The following CCSER1 variants were observed in gnomAD, a reference collection of about 807,000 sequenced individuals.
CCSER1 encodes coiled-coil serine rich protein 1.
In CCSER1, 41 loss-of-function variants were observed where a neutral mutation model predicts 82.0. The observed-to-expected ratio is 0.50, with a 90% confidence interval of 0.39 to 0.65. The LOEUF (loss-of-function observed/expected upper bound fraction) is 0.65. CCSER1 is among the 30% of genes least tolerant of loss of function. The pLI is 0.00. For missense variants in CCSER1, 1,119 were observed against 1,064.2 expected, an observed-to-expected ratio of 1.05 and a Z score of -0.72; for synonymous variants, 414 against 383.9, an observed-to-expected ratio of 1.08 and a Z score of -0.92.
chr4:90,964,470 T>C (rs1038485928), intron 9 of CCSER1, among the ~76,000 whole-genome samples: 1 of 151,164 alleles, frequency 6.6e-6, no homozygotes, highest in African/African-American at 2.5e-5. Flanking sequence ...CTCACACTTG[T>C]AATCCCACAC....
intron 5 of CCSER1, among the ~76,000 whole-genome samples, chr4:90,522,919 A>T (rs576943928): frequency 6.6e-6 from 1 of 152,236 alleles, no homozygotes; most frequent in East Asian, 1.9e-4. Context: ...AGTCTCTTAG[A>T]GTGGTTTTTC....
intron 9 of CCSER1, among the ~76,000 whole-genome samples, chr4:91,019,305 A>C (rs1287213586): frequency 2.6e-5 from 4 of 151,970 alleles, no homozygotes; most frequent in African/African-American, 9.7e-5. Flanking sequence ...GGCTACTTTC[A>C]AATTTCAAAT....
intron 1 of CCSER1, among the ~76,000 whole-genome samples, chr4:90,263,585 TTC>T (rs1326471894): frequency 6.6e-6 from 1 of 152,168 alleles, no homozygotes; most frequent in Non-Finnish European, 1.5e-5. Flanking sequence ...CATTTTCTTT[TTC>T]CTGGGCACAG....
At chr4:90,943,061 A>G (rs747706133) in intron 9 of CCSER1, among the ~76,000 whole-genome samples, 99 of 151,762 alleles carry the variant, frequency 6.5e-4, no homozygotes, top group Non-Finnish European at 1.1e-3. Flanking sequence ...TAAATTTTGA[A>G]TATAATGGTC....
chr4:91,082,005 T>A (rs1046961850), intron 9 of CCSER1, among the ~76,000 whole-genome samples: 2 of 152,156 alleles, frequency 1.3e-5, no homozygotes, highest in Admixed American at 1.3e-4. Context: ...AATTTATAGA[T>A]TCAATGCCAT....
intron 10 of CCSER1, among the ~76,000 whole-genome samples, chr4:91,303,884 G>C (rs866542826): frequency 5.1e-4 from 77 of 152,056 alleles, no homozygotes; most frequent in Middle Eastern, 6.8e-3. Flanking sequence ...AATATAAACA[G>C]TTAATAAGGG....
intron 4 of CCSER1, among the ~76,000 whole-genome samples, chr4:90,436,816 T>C (rs1156232173): frequency 6.6e-6 from 1 of 151,942 alleles, no homozygotes; most frequent in Admixed American, 6.6e-5. Flanking sequence ...GTTCCTTTTT[T>C]TTTTTTTTGA....
chr4:90,438,429 G>C lies in CCSER1; in HGVS notation c.1604-29805G>C, dbSNP rs191125692. On this transcript the variant is annotated intron_variant, in intron 4 of 10. Coordinates refer to ENST00000509176, the MANE Select transcript of CCSER1 (RefSeq NM_001145065.2). ...TTGTGTTCTTATGCTGCCAAATATT[G>C]GTGAATTTCTGTATACTATAAGAGA... 9.1e-4 allele frequency among the ~76,000 whole-genome samples: 139 copies of C among 151,938 alleles called. 4 individuals carry two copies. The East Asian group carries it at 0.026, about 28-fold the overall frequency.
intron 7 of CCSER1, among the ~76,000 whole-genome samples, chr4:90,774,794 CTAAT>C (rs1384198095): frequency 6.6e-6 from 1 of 151,998 alleles, no homozygotes; most frequent in Non-Finnish European, 1.5e-5. Context: ...AGTAATAAAA[CTAAT>C]TAAAGTAGGC....
Position 91,216,318 on chromosome 4 carries a change from T to C in CCSER1, c.2217+130324T>C, listed in dbSNP as rs114038979. On this transcript the variant is annotated intron_variant, in intron 10 of 10. Coordinates refer to ENST00000509176, the MANE Select transcript of CCSER1 (RefSeq NM_001145065.2). Reference sequence around the variant, plus strand: ...ATTAAGTAGGGAAACACTGACTTTATAGCATTTTTTTGTTTGTTTGAGACA... The same window carrying C: ...ATTAAGTAGGGAAACACTGACTTTACAGCATTTTTTTGTTTGTTTGAGACA... Among the ~76,000 whole-genome samples, 1,143 of 152,294 alleles carry C rather than the reference T, an allele frequency of 7.5e-3. 15 individuals are homozygous for C. The highest frequency in any genetic ancestry group is 0.027 in the African/African-American group (1,105 of 41,566).
At chr4:90,573,088 G>A (rs1191614539) in intron 5 of CCSER1, among the ~76,000 whole-genome samples, 1 of 152,232 alleles carries the variant, frequency 6.6e-6, no homozygotes, top group African/African-American at 2.4e-5. Flanking sequence ...GACTCCTGGG[G>A]TGGACTGCAA....
chr4:90,162,390 G>A (rs1044879586), intron 1 of CCSER1, among the ~76,000 whole-genome samples: 3 of 151,926 alleles, frequency 2.0e-5, no homozygotes, highest in Admixed American at 1.3e-4. Context: ...CCTTCCTCCT[G>A]TATCATTTCT....
chr4:90,824,910 C>T (rs182860122), intron 8 of CCSER1, among the ~76,000 whole-genome samples: 6 of 152,158 alleles, frequency 3.9e-5, no homozygotes, highest in African/African-American at 1.4e-4. Flanking sequence ...TGCATATATT[C>T]CAGAAAAGGC....
chr4:90,449,760 A>G (rs1761177186), intron 4 of CCSER1, among the ~76,000 whole-genome samples: 1 of 152,234 alleles, frequency 6.6e-6, no homozygotes, highest in Non-Finnish European at 1.5e-5. Context: ...GAGGCCAGAC[A>G]GTGGGAAGGT....
At chr4:91,092,295 A>G (rs1476383742) in intron 10 of CCSER1, among the ~76,000 whole-genome samples, 1 of 152,156 alleles carries the variant, frequency 6.6e-6, no homozygotes, top group African/African-American at 2.4e-5. Flanking sequence ...AGGCAGTCCA[A>G]ACCTAGGGAT....
At chr4:90,128,974 A>G (rs1722357016) in intron 1 of CCSER1, among the ~76,000 whole-genome samples, 1 of 152,080 alleles carries the variant, frequency 6.6e-6, no homozygotes. Flanking sequence ...GAAGTTACAG[A>G]TTCTTTGCCC....
At chr4:90,812,779 A>C (rs545980846) in intron 7 of CCSER1, among the ~76,000 whole-genome samples, 1 of 152,282 alleles carries the variant, frequency 6.6e-6, no homozygotes, top group Admixed American at 6.5e-5. Flanking sequence ...TTCACAAAGC[A>C]GCAGGAGAGA....
At chr4:90,648,156 A>G (rs564353158) in intron 6 of CCSER1, among the ~76,000 whole-genome samples, 15 of 151,890 alleles carry the variant, frequency 9.9e-5, no homozygotes, top group African/African-American at 2.9e-4. Flanking sequence ...TTAGACATAG[A>G]CTCACAGTTT....
chr4:90,588,529 C>T lies in CCSER1; in HGVS notation c.1725-39496C>T, dbSNP rs569896029. On this transcript the variant is annotated intron_variant, in intron 5 of 10. Transcript: ENST00000509176. ...AATTCTAGCCCTCTTAATATTTCTA[C>T]AACACCTGCAGTTATTTGCTTCCCT... 5.3e-5 allele frequency among the ~76,000 whole-genome samples: 8 copies of T among 152,326 alleles called. 1 individual carries two copies. Among genetic ancestry groups the T allele is most frequent in the Admixed American group, 2.0e-4 (3 of 15,292 alleles).
Sources: gnomAD v4.1 joint callset for allele counts (sites outside exome capture counted in the v4.1 genomes callset) on GRCh38, gnomAD v4.1.1 for gene constraint, MANE v1.5 for transcripts, NCBI Gene and HGNC (gene_info 2026-07-23, HGNC 2026-07-21) for gene names.